Variants in BCAR1 observed in about 807,000 individuals in gnomAD.
BCAR1 encodes the protein BCAR1 scaffold protein, Cas family member.
A neutral mutation model predicts 67.6 loss-of-function variants in BCAR1; 30 were observed. The ratio of observed to expected loss-of-function variants is 0.44; its 90% CI spans 0.33 to 0.60. BCAR1 has a LOEUF of 0.60. BCAR1 is among the 20% of genes least tolerant of loss of function. The pLI, the probability that BCAR1 is intolerant of heterozygous loss-of-function variation, is 0.02. For synonymous variants in BCAR1, 626 were observed against 556.7 expected, an observed-to-expected ratio of 1.12 and a Z score of -1.75; for missense variants, 1,313 against 1,222.3, an observed-to-expected ratio of 1.07 and a Z score of -1.11.
rs752646391 is a variant in BCAR1, at chr16:75,233,924, C to T, written c.2022G>A (p.Glu674=). ...YDYVHLQGKE[E]FEKTQKELLE... is the part of the protein sequence containing the mutation. ...GCAGCTCCTTCTGGGTCTTCTCAAACTCCTCCTTCCCCTGGAGGGCAGAGA... is the reference window on the plus strand; with the variant it reads ...GCAGCTCCTTCTGGGTCTTCTCAAATTCCTCCTTCCCCTGGAGGGCAGAGA... The change falls in exon 6 of 7, where the codon GAG becomes GAA. Residue 674 remains glutamate (E), a synonymous_variant. Transcript: ENST00000162330. 26 of 1,607,454 alleles carry T rather than the reference C, an allele frequency of 1.6e-5. No individual in the cohort carries two copies. Among genetic ancestry groups the T allele is most frequent in the Non-Finnish European group, 4.2e-6 (5 of 1,177,044 alleles).
chr16:75,251,349 G>C, intron 1 of BCAR1, 122 bp downstream of exon 1: 1 of 1,341,378 alleles, frequency 7.5e-7, no homozygotes. Flanking sequence ...CCAGGGCCGC[G>C]GACCCCGGCC....
intron 1 of BCAR1, chr16:75,265,940 C>T: frequency 9.2e-7 from 1 of 1,084,742 alleles, no homozygotes; most frequent in Non-Finnish European, 1.1e-6. Flanking sequence ...CCGGCGCTTT[C>T]CGGCTCCTCC....
At position 75,242,689 on chromosome 16, in the gene BCAR1, C is replaced by T; in HGVS notation, c.414G>A (p.Gln138=). The change falls in exon 2 of 7, where the codon CAG becomes CAA. Residue 138 remains glutamine, a synonymous_variant. Transcript: ENST00000162330. ...TGGATGTCTGCTTGGCTGGGGGAGA[C>T]TGGAACTGAGGGCTGGGACCCGGGA... ...YQVPGPSPQF[Q]SPPAKQTSTF... is the part of the protein sequence containing the mutation. 1 of 1,540,654 alleles carries T rather than the reference C, an allele frequency of 6.5e-7. No individual in the cohort carries two copies. Among genetic ancestry groups the T allele is most frequent in the Non-Finnish European group, 8.7e-7 (1 of 1,145,716 alleles).
At chr16:75,251,643 GCCACGGCCCAGCCGGC>G, upstream of BCAR1, 18 of 1,001,872 alleles carry the variant, frequency 1.8e-5, no homozygotes, top group Non-Finnish European at 2.1e-5. Context: ...TCCGCCTGCC[GCCACGGCCCAGCCGGC>G]CCAGCCCGAT....
upstream of BCAR1, among the ~76,000 whole-genome samples, chr16:75,252,737 GAC>G (rs2077705711): frequency 6.6e-6 from 1 of 152,248 alleles, no homozygotes; most frequent in South Asian, 2.1e-4. Context: ...GCCTATGGAA[GAC>G]ACAAGCCCAG....
intron 1 of BCAR1, chr16:75,264,832 G>C (rs1462344889): frequency 3.9e-6 from 1 of 258,698 alleles, no homozygotes; most frequent in Non-Finnish European, 6.7e-6. Context: ...GGGCTCTGGA[G>C]GGAAAAGCCC....
rs574174135 is a variant in BCAR1 at position 75,228,772 on chromosome 16, C to A, written c.*739G>T. 2 of 152,242 alleles carry A rather than the reference C, an allele frequency of 1.3e-5. No individual in the cohort carries two copies. The highest frequency in any genetic ancestry group is 4.1e-4 in the South Asian group (2 of 4,836). The allele number at this position is 152,242 out of a possible 1,614,324, so 9.4% of individuals were successfully genotyped here. ...CCATGCCCAGGCTGTGCTTTCTGGG[C>A]CCCAGACCCTGCAGCTCTGAAACTG... On this transcript the variant is annotated 3_prime_UTR_variant, in exon 7 of 7. Coordinates refer to ENST00000162330, the MANE Select transcript of BCAR1 (RefSeq NM_014567.5).
chr16:75,230,062 G>A (rs765372466), intron 6 of BCAR1, 39 bp from the exon 7 acceptor site: 24 of 1,513,982 alleles, frequency 1.6e-5, no homozygotes, highest in Admixed American at 9.0e-5. Context: ...TTAGGCTCTC[G>A]GGTGAGTTGG....
intron 1 of BCAR1, among the ~76,000 whole-genome samples, chr16:75,258,620 G>A (rs985676436): frequency 2.0e-5 from 3 of 152,224 alleles, no homozygotes; most frequent in Admixed American, 6.5e-5. Context: ...GGGCTTCTCT[G>A]CGGAGGTGAC....
intron 1 of BCAR1, among the ~76,000 whole-genome samples, chr16:75,243,637 G>A (rs2077426328): frequency 6.6e-6 from 1 of 152,218 alleles, no homozygotes; most frequent in Non-Finnish European, 1.5e-5. Context: ...CCCCAAGGCT[G>A]GGAAAGAAAC....
intron 1 of BCAR1, chr16:75,250,208 C>G (rs549167517): frequency 9.8e-5 from 15 of 152,694 alleles, no homozygotes; most frequent in Admixed American, 9.2e-4. Flanking sequence ...CCTGCCCTGC[C>G]TCCACCCAGC....
intron 1 of BCAR1, among the ~76,000 whole-genome samples, 172 bp from the exon 2 acceptor site, chr16:75,243,262 C>T (rs558456633): frequency 6.6e-6 from 1 of 152,168 alleles, no homozygotes; most frequent in Admixed American, 6.5e-5. Context: ...ACCTGTTCCC[C>T]AGCAGAAAGG....
At position 75,229,247 on chromosome 16, in the gene BCAR1, C is replaced by T. The variant is rs549078097; in HGVS notation, c.*264G>A. 1.7e-5 allele frequency: 8 copies of T among 481,332 alleles called. No individual in the cohort carries two copies. Among genetic ancestry groups the T allele is most frequent in the African/African-American group, 1.2e-4 (6 of 51,162 alleles). 29.8% of individuals were successfully genotyped at this position (481,332 alleles called of 1,614,324 possible). A position where few individuals can be genotyped will look rare whatever the true frequency, so the allele number is the denominator to read the frequency against. ...AGGCTGCAGGACCCTCACACTCCAG[C>T]CCCGTCTGGTGACCCAACCCGGGCC... On this transcript the variant is annotated 3_prime_UTR_variant, in exon 7 of 7. Coordinates refer to ENST00000162330, the MANE Select transcript of BCAR1 (RefSeq NM_014567.5).
At chr16:75,265,938 T>G in intron 1 of BCAR1, 2 of 1,089,582 alleles carry the variant, frequency 1.8e-6, no homozygotes, top group Non-Finnish European at 2.2e-6. Flanking sequence ...TCCCGGCGCT[T>G]TCCGGCTCCT....
At chr16:75,263,980 G>A (rs2077955985) in intron 1 of BCAR1, 3 of 1,173,420 alleles carry the variant, frequency 2.6e-6, no homozygotes, top group African/African-American at 1.6e-5. Context: ...CACGTAGGGG[G>A]CAGATGGCAA....
At chr16:75,265,510 C>T (rs977599720) in intron 1 of BCAR1, among the ~76,000 whole-genome samples, 1 of 151,686 alleles carries the variant, frequency 6.6e-6, no homozygotes, top group Non-Finnish European at 1.5e-5. Flanking sequence ...CCTGCCTGGC[C>T]CAGCTGTCCC....
chr16:75,265,840 G>C, intron 1 of BCAR1: 1 of 1,181,282 alleles, frequency 8.5e-7, no homozygotes, highest in Admixed American at 4.6e-5. Context: ...CGGACATCTT[G>C]GCCGCCGCCC....
rs1197757598 is a variant in BCAR1 at position 75,242,760 on chromosome 16, A to G, written c.343T>C (p.Tyr115His). The change falls in exon 2 of 7, where the codon TAC (tyrosine) becomes CAC (histidine). Residue 115 changes from tyrosine (Y) to histidine (H), a missense_variant. Physicochemically the swap from Tyr to His is moderately conservative, Grantham distance 83. Coordinates refer to ENST00000162330, the MANE Select transcript of BCAR1 (RefSeq NM_014567.5). Reference protein sequence around the residue: ...NTYQPQPDSVYLVPTPSKAQQ... With the variant: ...NTYQPQPDSVHLVPTPSKAQQ... ...GCCTTGCTGGGAGTGGGCACCAGGT[A>G]GACGCTGTCTGGCTGGGGCTGGTAG... 6.3e-7 allele frequency: 1 copy of G among 1,594,502 alleles called. No individual in the cohort carries two copies. The highest frequency in any genetic ancestry group is 1.7e-5 in the Admixed American group (1 of 58,334).
intron 1 of BCAR1, among the ~76,000 whole-genome samples, chr16:75,244,878 C>T (rs912888648): frequency 2.6e-5 from 4 of 152,216 alleles, no homozygotes; most frequent in South Asian, 2.1e-4. Flanking sequence ...AAGAAAATGT[C>T]CTGTGAAACG....
Sources: gnomAD v4.1 joint callset for allele counts (sites outside exome capture counted in the v4.1 genomes callset) on GRCh38, gnomAD v4.1.1 for gene constraint, MANE v1.5 for transcripts, NCBI Gene and HGNC (gene_info 2026-07-23, HGNC 2026-07-21) for gene names.